The following KTN1 variants were observed in gnomAD, a reference collection of about 807,000 sequenced individuals.
KTN1 encodes kinectin 1, also known as kinectin.
A neutral mutation model predicts 222.5 loss-of-function variants in KTN1; 130 were observed. That is an observed-to-expected ratio of 0.58 (90% CI 0.51 to 0.68). The LOEUF (loss-of-function observed/expected upper bound fraction) is 0.68, where lower values mean the gene tolerates loss of function less well. Among genes scored for constraint, KTN1 ranks in the 30% least tolerant of loss-of-function variants. The pLI is 0.00. For synonymous variants in KTN1, 512 were observed against 496.3 expected (o/e 1.03, Z -0.42); for missense variants, 1,508 against 1,500.4 (o/e 1.01, Z -0.08).
At chr14:55,636,101 G>A (rs958752338) in intron 9 of KTN1, among the ~76,000 whole-genome samples, 4 of 152,070 alleles carry the variant, frequency 2.6e-5, no homozygotes, top group African/African-American at 9.7e-5. Flanking sequence ...CCTGTCCTTC[G>A]GAAGCTTATC....
intron 3 of KTN1, among the ~76,000 whole-genome samples, chr14:55,617,675 A>G (rs2038577284): frequency 6.6e-6 from 1 of 152,230 alleles, no homozygotes; most frequent in African/African-American, 2.4e-5. Context: ...AACAAAAATT[A>G]AAGGAGACTT....
chr14:55,616,522 C>G lies in KTN1; in HGVS notation c.529C>G (p.Gln177Glu). ...QKKSKNGSDD[Q>E]DKKVETLMVP... Reference sequence around the variant, plus strand: ...TTTGTTTGTGTTTAATAAAGATGACCAGGATAAAAAGGTGGAAACTCTCAT... The same window carrying G: ...TTTGTTTGTGTTTAATAAAGATGACGAGGATAAAAAGGTGGAAACTCTCAT... Residue 177 changes from glutamine to glutamate, a missense_variant, in exon 3 of 44, where the codon CAG (glutamine) becomes GAG (glutamate). Transcript: ENST00000395314. The G allele has an allele frequency of 6.4e-7, 1 of 1,564,388 alleles. No homozygotes were observed. The highest frequency in any genetic ancestry group is 8.6e-7 in the Non-Finnish European group (1 of 1,163,852).
intron 1 of KTN1, among the ~76,000 whole-genome samples, chr14:55,586,401 T>A (rs530767444): frequency 6.6e-6 from 1 of 152,174 alleles, no homozygotes; most frequent in East Asian, 1.9e-4. Flanking sequence ...TGTCAAACTC[T>A]AAATGCTTTA....
intron 5 of KTN1, 36 bp downstream of exon 5, chr14:55,619,348 C>T (rs746559662): frequency 1.2e-6 from 2 of 1,603,824 alleles, no homozygotes; most frequent in Non-Finnish European, 8.5e-7. Flanking sequence ...ATATTCATGA[C>T]CAGTCATTAG....
intron 3 of KTN1, among the ~76,000 whole-genome samples, chr14:55,617,286 T>G (rs1211483468): frequency 6.6e-6 from 1 of 152,176 alleles, no homozygotes; most frequent in Non-Finnish European, 1.5e-5. Flanking sequence ...AAGCTCTTTT[T>G]GAAAGGTAGG....
At chr14:55,673,352 TCTTTAGCTTGGC>T in intron 40 of KTN1, 97 bp downstream of exon 40, 1 of 692,922 alleles carries the variant, frequency 1.4e-6, no homozygotes, top group Non-Finnish European at 2.5e-6. Flanking sequence ...TTTGCTAACA[TCTTTAGCTTGGC>T]CTTTTTGTAA....
chr14:55,632,881 A>G (rs1245024630), intron 7 of KTN1, among the ~76,000 whole-genome samples: 1 of 152,202 alleles, frequency 6.6e-6, no homozygotes, highest in Admixed American at 6.5e-5. Context: ...CTAATGTATA[A>G]TTGACATAAG....
chr14:55,646,996 A>G lies in KTN1; in HGVS notation c.2196A>G (p.Gln732=), dbSNP rs559509502. Reference sequence around the variant, plus strand: ...AGCCTAATAAGGATGTTGTGGAACAAATGGAAAAATGGTAAGAGTTTAGTT... The same window carrying G: ...AGCCTAATAAGGATGTTGTGGAACAGATGGAAAAATGGTAAGAGTTTAGTT... ...SEQPNKDVVE[Q]MEKCIQEKDE... is the part of the protein sequence containing the mutation. The change falls in exon 19 of 44, where the codon CAA becomes CAG. Residue 732 remains glutamine (Q), a synonymous_variant. Transcript: ENST00000395314. The G allele has an allele frequency of 2.6e-6, 4 of 1,530,372 alleles. No homozygotes were observed. In the African/African-American group the frequency reaches 5.5e-5, roughly 21 times the overall value. 94.8% of individuals were successfully genotyped at this position (1,530,372 alleles called of 1,614,324 possible).
intron 14 of KTN1, 63 bp downstream of exon 14, chr14:55,640,066 G>C (rs9323289): frequency 0.084 from 80,060 of 950,784 alleles, 3,780 homozygotes; most frequent in South Asian, 0.1. Context: ...TTACTTTGAT[G>C]CACATAATCA....
chr14:55,602,748 A>G (rs1209417421), intron 1 of KTN1, among the ~76,000 whole-genome samples: 3 of 151,948 alleles, frequency 2.0e-5, no homozygotes. Flanking sequence ...CGTCTAGCTA[A>G]TTTTTTATTG....
At position 55,648,874 on chromosome 14, in the gene KTN1, A is replaced by G. The variant is rs530095055; in HGVS notation, c.2367+4A>G. The G allele has an allele frequency of 1.3e-6, 2 of 1,556,378 alleles. No individual in the cohort carries two copies. The highest frequency in any genetic ancestry group is 4.5e-5 in the East Asian group (2 of 44,568). Reference sequence around the variant, plus strand: ...AAAAGCTAAGCAAAATGATCAGGTAATGTAAATTTTTACAACTGTTCTTTG... The same window carrying G: ...AAAAGCTAAGCAAAATGATCAGGTAGTGTAAATTTTTACAACTGTTCTTTG... On this transcript the variant is annotated splice_donor_region_variant and intron_variant, in intron 21 of 43. Coordinates refer to ENST00000395314, the MANE Select transcript of KTN1 (RefSeq NM_001079521.2).
At chr14:55,598,074 G>T (rs930306832) in intron 1 of KTN1, among the ~76,000 whole-genome samples, 4 of 152,082 alleles carry the variant, frequency 2.6e-5, no homozygotes, top group African/African-American at 2.4e-5. Context: ...ACTCTTCTTT[G>T]TGCATTCCTG....
intron 7 of KTN1, among the ~76,000 whole-genome samples, chr14:55,632,597 GGA>G (rs34031985): frequency 0.35 from 53,418 of 151,778 alleles, 9,408 homozygotes; most frequent in South Asian, 0.4. Context: ...AGAGAGTTAT[GGA>G]GAGATGAATG....
intron 27 of KTN1, 27 bp from the exon 28 acceptor site, chr14:55,653,532 C>T (rs369814243): frequency 1.9e-6 from 3 of 1,584,688 alleles, no homozygotes; most frequent in Admixed American, 1.7e-5. Context: ...ATGCTAACAG[C>T]ATTAAAAATA....
intron 12 of KTN1, 57 bp from the exon 13 acceptor site, chr14:55,639,128 A>T: frequency 9.0e-7 from 1 of 1,111,322 alleles, no homozygotes; most frequent in Non-Finnish European, 1.4e-6. Flanking sequence ...TGATTATTGT[A>T]TAGCTATAAA....
intron 33 of KTN1, among the ~76,000 whole-genome samples, chr14:55,665,325 T>G (rs1187043379): frequency 6.6e-6 from 1 of 151,986 alleles, no homozygotes; most frequent in East Asian, 1.9e-4. Context: ...GGTATGTGGG[T>G]GCTAATCACA....
At chr14:55,613,732 G>A (rs534768496) in intron 2 of KTN1, among the ~76,000 whole-genome samples, 6 of 152,062 alleles carry the variant, frequency 3.9e-5, no homozygotes, top group Non-Finnish European at 8.8e-5. Flanking sequence ...GCCTCACAAA[G>A]TGCTGAAATT....
Position 55,670,800 on chromosome 14 carries a change from G to A in KTN1, c.3339G>A (p.Glu1113=), listed in dbSNP as rs368385928. 1.2e-6 allele frequency: 2 copies of A among 1,605,588 alleles called. No individual in the cohort carries two copies. Among genetic ancestry groups the A allele is most frequent in the African/African-American group, 2.7e-5 (2 of 74,570 alleles). Reference sequence around the variant, plus strand: ...GTATGGCTGGAACTTCAGGGTCAGAGGAGGTTAAGGTTAGTTCAGCAAATG... The same window carrying A: ...GTATGGCTGGAACTTCAGGGTCAGAAGAGGTTAAGGTTAGTTCAGCAAATG... The part of the protein sequence containing the change: ...KECMAGTSGS[E]EVKVLEHKLK... Residue 1113 remains glutamate (E), a synonymous_variant, in exon 35 of 44, where the codon GAG becomes GAA. Coordinates refer to ENST00000395314, the MANE Select transcript of KTN1 (RefSeq NM_001079521.2).
intron 1 of KTN1, among the ~76,000 whole-genome samples, chr14:55,587,594 C>T (rs2033272566): frequency 6.6e-6 from 1 of 152,168 alleles, no homozygotes; most frequent in South Asian, 2.1e-4. Context: ...ACTTACGTGC[C>T]ACCAACCTGT....
Sources: allele counts gnomAD v4.1 joint callset (sites outside exome capture counted in the v4.1 genomes callset), GRCh38; gene constraint gnomAD v4.1.1; transcripts MANE v1.5; gene names NCBI Gene and HGNC (gene_info 2026-07-23, HGNC 2026-07-21).